The following GALNTL5 variants were observed in gnomAD, a reference collection of about 807,000 sequenced individuals.
GALNTL5 encodes the protein inactive polypeptide N-acetylgalactosaminyltransferase-like protein 5.
Under a neutral mutation model 51.0 loss-of-function variants are expected in GALNTL5, and 44 were observed. That is an observed-to-expected ratio of 0.86 (90% CI 0.68 to 1.11). The LOEUF (loss-of-function observed/expected upper bound fraction) is 1.11. Among genes scored for constraint, GALNTL5 ranks in the 50% least tolerant of loss-of-function variants. The probability of loss-of-function intolerance (pLI) is 0.00; values close to 1 mark genes in which losing one functional copy is unlikely to be tolerated. For missense variants in GALNTL5, 528 were observed against 531.8 expected, an observed-to-expected ratio of 0.99 and a Z score of 0.07; for synonymous variants, 192 against 182.8, an observed-to-expected ratio of 1.05 and a Z score of -0.41.
At chr7:151,965,522 C>T (rs1373977226) in intron 1 of GALNTL5, among the ~76,000 whole-genome samples, 1 of 152,106 alleles carries the variant, frequency 6.6e-6, no homozygotes, top group Non-Finnish European at 1.5e-5. Context: ...TCTCATTTAT[C>T]AAGCTCAATC....
chr7:151,995,347 A>ATTTTTTTTTT lies in GALNTL5; in HGVS notation c.659-7367_659-7366insTTTTTTTTTT, dbSNP rs1563017632. On this transcript the variant is annotated intron_variant, in intron 5 of 8. Transcript: ENST00000392800. ...AAGAAATCTACGATCAGTTGGTATGAATTTTTTTTTTTTTTTTTTTTTTTT... is the reference window on the plus strand; with the variant it reads ...AAGAAATCTACGATCAGTTGGTATGATTTTTTTTTTATTTTTTTTTTTTTTTTTTTTTTTT... 4.4e-5 allele frequency: 4 copies of ATTTTTTTTTT among 90,980 alleles called. 1 individual carries two copies. The highest frequency in any genetic ancestry group is 2.2e-5 in the Non-Finnish European group (1 of 45,352). 5.6% of individuals were successfully genotyped at this position (90,980 alleles called of 1,614,324 possible).
intron 7 of GALNTL5, among the ~76,000 whole-genome samples, chr7:152,008,922 G>GATC (rs1244543090): frequency 1.3e-5 from 2 of 152,110 alleles, no homozygotes; most frequent in African/African-American, 4.8e-5. Context: ...TAATAACTGT[G>GATC]ATCAGTTTTG....
chr7:152,018,417 A>G (rs1360858595), intron 8 of GALNTL5, among the ~76,000 whole-genome samples: 1 of 151,878 alleles, frequency 6.6e-6, no homozygotes, highest in East Asian at 1.9e-4. Context: ...TTAAAATTGT[A>G]TTTCATTACG....
At chr7:151,973,773 T>G (rs939746753) in intron 3 of GALNTL5, among the ~76,000 whole-genome samples, 2 of 128,758 alleles carry the variant, frequency 1.6e-5, no homozygotes, top group Admixed American at 8.5e-5. Flanking sequence ...AAATGAGATT[T>G]GGGAGGGGCC....
intron 2 of GALNTL5, among the ~76,000 whole-genome samples, chr7:151,968,141 T>TA (rs1423837853): frequency 1.1e-4 from 16 of 151,482 alleles, no homozygotes; most frequent in Non-Finnish European, 2.2e-4. Flanking sequence ...ACAAAAATAG[T>TA]AATAAAAACT....
At chr7:151,964,412 T>C (rs2081031166) in intron 1 of GALNTL5, among the ~76,000 whole-genome samples, 1 of 151,940 alleles carries the variant, frequency 6.6e-6, no homozygotes, top group African/African-American at 2.4e-5. Context: ...AACCCAGGGG[T>C]AGGTCATTGA....
chr7:151,974,699 G>T (rs1475974438), intron 3 of GALNTL5, among the ~76,000 whole-genome samples: 1 of 152,042 alleles, frequency 6.6e-6, no homozygotes, highest in Non-Finnish European at 1.5e-5. Context: ...TACTACAAAG[G>T]TCACCATTTT....
At chr7:152,012,181 G>A (rs183369983) in intron 7 of GALNTL5, among the ~76,000 whole-genome samples, 127 of 152,328 alleles carry the variant, frequency 8.3e-4, no homozygotes, top group African/African-American at 3.0e-3. Flanking sequence ...GTGTCAAACA[G>A]AGAAGCCCAA....
chr7:151,999,327 A>G (rs1377409683), intron 5 of GALNTL5, among the ~76,000 whole-genome samples: 1 of 152,142 alleles, frequency 6.6e-6, no homozygotes, highest in African/African-American at 2.4e-5. Context: ...TACTGCTGTG[A>G]CCATGCACAT....
rs201218158 is a variant in GALNTL5 at position 151,981,544 on chromosome 7, C to CCCTTCCTT, written c.369-1403_369-1396dup. The stretch of plus-strand genomic sequence containing the variant: ...AGTCAGCTCACAATACATCTCTCTT[C>CCCTTCCTT]CCTTCCTTCCTTCCTTCCTTCCTTC... On this transcript the variant is annotated intron_variant, in intron 3 of 8. Transcript: ENST00000392800. Among the ~76,000 whole-genome samples the CCCTTCCTT allele has an allele frequency of 4.1e-3, 537 of 130,628 alleles. 11 individuals are homozygous for CCCTTCCTT. Among genetic ancestry groups the CCCTTCCTT allele is most frequent in the African/African-American group, 0.013 (451 of 33,924 alleles). 85.7% of individuals were successfully genotyped at this position (130,628 alleles called of 152,430 possible). A position where few individuals can be genotyped will look rare whatever the true frequency, so the allele number is the denominator to read the frequency against.
chr7:152,002,465 T>C (rs1280681949), intron 5 of GALNTL5, among the ~76,000 whole-genome samples: 3 of 152,164 alleles, frequency 2.0e-5, no homozygotes, highest in Non-Finnish European at 4.4e-5. Flanking sequence ...CCTGCTCCTT[T>C]AGAATTCTCC....
At chr7:151,989,214 A>G (rs2081397249) in intron 5 of GALNTL5, among the ~76,000 whole-genome samples, 1 of 149,212 alleles carries the variant, frequency 6.7e-6, no homozygotes, top group Admixed American at 6.7e-5. Context: ...CAGTGGTGTG[A>G]TCTCAGCTCA....
rs142289521 is a variant in GALNTL5, at chr7:151,980,169, C to T, written c.369-2817C>T. 7.4e-3 allele frequency among the ~76,000 whole-genome samples: 1,119 copies of T among 152,182 alleles called. 7 individuals are homozygous for T. The highest frequency in any genetic ancestry group is 0.012 in the Non-Finnish European group (829 of 68,002). ...CGCCATCTTGGCTCACTGCAACCTC[C>T]GCCTTCTGGGTTCAAGTGATTCTCC... On this transcript the variant is annotated intron_variant, in intron 3 of 8. Transcript: ENST00000392800.
intron 2 of GALNTL5, among the ~76,000 whole-genome samples, chr7:151,969,885 C>G (rs1454174501): frequency 3.3e-5 from 5 of 152,304 alleles, no homozygotes; most frequent in African/African-American, 1.2e-4. Context: ...CGGCTCACTG[C>G]AAGCTCCGCC....
chr7:151,983,158 A>G lies in GALNTL5; in HGVS notation c.535+6A>G, dbSNP rs201590087. ...AGATGACATGAGCAAAGTTGGTAAGATAGAACACTCATTATCTCATCTACT... is the reference window on the plus strand; with the variant it reads ...AGATGACATGAGCAAAGTTGGTAAGGTAGAACACTCATTATCTCATCTACT... On this transcript the variant is annotated splice_donor_region_variant and intron_variant, in intron 4 of 8. Transcript: ENST00000392800. 1.2e-6 allele frequency: 2 copies of G among 1,606,594 alleles called. No homozygotes were observed. Among genetic ancestry groups the G allele is most frequent in the Non-Finnish European group, 1.7e-6 (2 of 1,173,414 alleles).
chr7:151,958,329 C>G (rs2080950056), intron 1 of GALNTL5, among the ~76,000 whole-genome samples: 1 of 152,224 alleles, frequency 6.6e-6, no homozygotes, highest in Admixed American at 6.5e-5. Flanking sequence ...CCACAACCAT[C>G]TTCCACCTTG....
rs147980948 is a variant in GALNTL5 at position 151,967,008 on chromosome 7, T to C, written c.-39-200T>C. On this transcript the variant is annotated intron_variant, in intron 1 of 8. Transcript: ENST00000392800. ...CACCGTATGTTTTATAAGCATGTTATACATTTTGATGTTAAATAATCTTAG... is the reference window on the plus strand; with the variant it reads ...CACCGTATGTTTTATAAGCATGTTACACATTTTGATGTTAAATAATCTTAG... Among the ~76,000 whole-genome samples, 373 of 152,358 alleles carry C rather than the reference T, an allele frequency of 2.4e-3. 2 individuals carry two copies. Among genetic ancestry groups the C allele is most frequent in the African/African-American group, 7.6e-3 (317 of 41,580 alleles).
intron 5 of GALNTL5, among the ~76,000 whole-genome samples, chr7:151,999,248 C>G (rs1457387223): frequency 6.6e-6 from 1 of 152,124 alleles, no homozygotes; most frequent in African/African-American, 2.4e-5. Context: ...TGATACACCA[C>G]AGTTTGTTTC....
chr7:151,983,579 C>G (rs909942566), intron 4 of GALNTL5, among the ~76,000 whole-genome samples: 3 of 152,086 alleles, frequency 2.0e-5, no homozygotes, highest in African/African-American at 7.2e-5. Context: ...GCACTAGGGG[C>G]TCTTGGTATA....
Sources: gnomAD v4.1 joint callset for allele counts (sites outside exome capture counted in the v4.1 genomes callset) on GRCh38, gnomAD v4.1.1 for gene constraint, MANE v1.5 for transcripts, NCBI Gene and HGNC (gene_info 2026-07-23, HGNC 2026-07-21) for gene names.